RPH3A: variants seen among roughly 807,000 people sequenced by gnomAD.
RPH3A encodes the protein rabphilin-3A.
RPH3A carries 48 observed loss-of-function variants against 102.2 expected under a neutral mutation model. The observed-to-expected ratio is 0.47, with a 90% CI of 0.37 to 0.60. The LOEUF (loss-of-function observed/expected upper bound fraction) is 0.60. Ranked by LOEUF, RPH3A falls within the 20% of genes least tolerant of loss-of-function variation. RPH3A has a pLI of 0.00. For synonymous variants in RPH3A, 310 were observed against 324.3 expected (o/e 0.96, Z 0.47); for missense variants, 781 against 910.1 (o/e 0.86, Z 1.83).
intron 1 of RPH3A, among the ~76,000 whole-genome samples, chr12:112,737,529 G>C (rs1336497121): frequency 6.6e-6 from 1 of 152,152 alleles, no homozygotes; most frequent in Non-Finnish European, 1.5e-5. Context: ...AATATTCGAG[G>C]ACTGTTTGGA....
intron 2 of RPH3A, among the ~76,000 whole-genome samples, chr12:112,800,378 G>A (rs955446035): frequency 4.6e-5 from 7 of 152,176 alleles, no homozygotes; most frequent in African/African-American, 1.7e-4. Flanking sequence ...TGAGTGGGGT[G>A]AGGGTCACGT....
At chr12:112,850,518 T>G (rs1352557966) in intron 5 of RPH3A, among the ~76,000 whole-genome samples, 1 of 152,142 alleles carries the variant, frequency 6.6e-6, no homozygotes, top group Non-Finnish European at 1.5e-5. Flanking sequence ...GCTGAGACAA[T>G]GTGTTTTCTG....
intron 4 of RPH3A, among the ~76,000 whole-genome samples, chr12:112,847,237 G>C (rs975642952): frequency 3.3e-5 from 5 of 152,184 alleles, no homozygotes; most frequent in African/African-American, 1.2e-4. Flanking sequence ...TGGAATTCTA[G>C]ACATTTATGT....
chr12:112,821,429 G>T (rs2041777646), intron 2 of RPH3A, among the ~76,000 whole-genome samples: 1 of 149,730 alleles, frequency 6.7e-6, no homozygotes, highest in Admixed American at 6.7e-5. Context: ...CCACCACTCT[G>T]ATCTCAGCTC....
In RPH3A at chr12:112,775,350, AC is replaced by A. The variant is rs150227870; in HGVS notation, c.-139-16791del. ...GCAAATGCTAAGGATCCATTCATCCACCAAGAATTTGCTGTGCATGTACCAT... is the reference window on the plus strand; with the variant it reads ...GCAAATGCTAAGGATCCATTCATCCACAAGAATTTGCTGTGCATGTACCAT... On this transcript the variant is annotated intron_variant, in intron 1 of 21. Transcript: ENST00000543106. Among the ~76,000 whole-genome samples, 1,180 of 152,360 alleles carry A rather than the reference AC, an allele frequency of 7.7e-3. 11 individuals carry two copies. The highest frequency in any genetic ancestry group is 0.026 in the African/African-American group (1,076 of 41,584).
intron 11 of RPH3A, 27 bp from the exon 12 acceptor site, chr12:112,875,650 ATC>A (rs975734187): frequency 3.1e-6 from 5 of 1,594,094 alleles, no homozygotes; most frequent in Admixed American, 3.3e-5. Context: ...TCTCTGCTGC[ATC>A]TCTGTTTGTC....
chr12:112,659,322 A>G (rs2040034275), intron 1 of RPH3A, among the ~76,000 whole-genome samples: 1 of 152,158 alleles, frequency 6.6e-6, no homozygotes, highest in South Asian at 2.1e-4. Context: ...AATCTCCTTC[A>G]GTTTGGAATG....
At chr12:112,695,138 C>G (rs1485040465) in intron 1 of RPH3A, 1 of 170,344 alleles carries the variant, frequency 5.9e-6, no homozygotes, top group East Asian at 1.9e-4. Context: ...CACAATTATT[C>G]ATTGTTTACT....
chr12:112,593,521 C>T (rs1335631324), intron 1 of RPH3A, among the ~76,000 whole-genome samples: 1 of 152,144 alleles, frequency 6.6e-6, no homozygotes, highest in Admixed American at 6.5e-5. Flanking sequence ...ACATCCATGT[C>T]TAGAAAAGCT....
chr12:112,631,959 C>G (rs2039809728), intron 1 of RPH3A, among the ~76,000 whole-genome samples: 1 of 151,972 alleles, frequency 6.6e-6, no homozygotes, highest in African/African-American at 2.4e-5. Context: ...TGGTTGTGTC[C>G]CCACTCAAAT....
chr12:112,656,327 G>A (rs997692805), intron 1 of RPH3A, among the ~76,000 whole-genome samples: 5 of 152,152 alleles, frequency 3.3e-5, no homozygotes, highest in African/African-American at 9.6e-5. Flanking sequence ...TAAATCTCTC[G>A]AGTGTCTTCT....
At chr12:112,820,676 G>A (rs990665349) in intron 2 of RPH3A, among the ~76,000 whole-genome samples, 1 of 152,158 alleles carries the variant, frequency 6.6e-6, no homozygotes, top group African/African-American at 2.4e-5. Flanking sequence ...TATCAATGAG[G>A]AAACAGGCCC....
intron 1 of RPH3A, among the ~76,000 whole-genome samples, chr12:112,602,550 A>C (rs2039566873): frequency 6.6e-6 from 1 of 152,216 alleles, no homozygotes; most frequent in Non-Finnish European, 1.5e-5. Flanking sequence ...GGGCAGGGCT[A>C]AGACAAGTCA....
intron 5 of RPH3A, among the ~76,000 whole-genome samples, chr12:112,863,867 C>T (rs2042563977): frequency 1.3e-5 from 2 of 152,212 alleles, no homozygotes; most frequent in Non-Finnish European, 1.5e-5. Context: ...GGGGAGTGAG[C>T]TGCTCTCGTT....
At chr12:112,789,109 G>A (rs1396906394), upstream of RPH3A, among the ~76,000 whole-genome samples, 1 of 151,998 alleles carries the variant, frequency 6.6e-6, no homozygotes, top group Non-Finnish European at 1.5e-5. Flanking sequence ...GGTTAGGCGA[G>A]ATCTCACCAC....
At chr12:112,807,851 TC>T (rs1476838889) in intron 2 of RPH3A, among the ~76,000 whole-genome samples, 3 of 152,156 alleles carry the variant, frequency 2.0e-5, no homozygotes, top group Non-Finnish European at 4.4e-5. Flanking sequence ...CTCCTCCTTC[TC>T]CATTTTCCTC....
chr12:112,687,052 G>A (rs756640680), intron 1 of RPH3A, among the ~76,000 whole-genome samples: 1 of 152,170 alleles, frequency 6.6e-6, no homozygotes, highest in African/African-American at 2.4e-5. Context: ...GAGTTCGGGG[G>A]TGCAGTGAAC....
chr12:112,806,635 TA>T (rs1555211260), intron 2 of RPH3A, among the ~76,000 whole-genome samples: 10 of 146,810 alleles, frequency 6.8e-5, no homozygotes, highest in East Asian at 2.0e-4. Flanking sequence ...TCTCAAAAAT[TA>T]AAAAAAAAAC....
intron 1 of RPH3A, among the ~76,000 whole-genome samples, chr12:112,729,900 G>A (rs1033669201): frequency 6.6e-5 from 10 of 152,164 alleles, no homozygotes; most frequent in African/African-American, 7.2e-5. Flanking sequence ...TGGAAATAGC[G>A]TTGCAGATAT....
Sources: gnomAD v4.1 joint callset for allele counts (sites outside exome capture counted in the v4.1 genomes callset) on GRCh38, gnomAD v4.1.1 for gene constraint, MANE v1.5 for transcripts, NCBI Gene and HGNC (gene_info 2026-07-23, HGNC 2026-07-21) for gene names.